The following ING5 variants were observed in gnomAD, a reference collection of about 807,000 sequenced individuals.
ING5 encodes the protein inhibitor of growth family member 5.
ING5 carries 17 observed loss-of-function variants against 37.4 expected under a neutral mutation model. The observed-to-expected ratio is 0.45, with a 90% CI of 0.31 to 0.68. The LOEUF (loss-of-function observed/expected upper bound fraction) is 0.68, where lower values mean the gene tolerates loss of function less well. ING5 is among the 30% of genes least tolerant of loss of function. The pLI is 0.05. For synonymous variants in ING5, 123 were observed against 116.6 expected (o/e 1.06, Z -0.36); for missense variants, 233 against 311.9 (o/e 0.75, Z 1.91).
At chr2:241,724,902 C>T in intron 7 of ING5, 87 bp from the exon 8 acceptor site, 1 of 1,438,272 alleles carries the variant, frequency 7.0e-7, no homozygotes, top group Non-Finnish European at 9.7e-7. Flanking sequence ...TCCAGCAGCC[C>T]TGGGAGACAT....
At chr2:241,712,558 T>G (rs2070143269) in intron 5 of ING5, among the ~76,000 whole-genome samples, 1 of 152,204 alleles carries the variant, frequency 6.6e-6, no homozygotes, top group Non-Finnish European at 1.5e-5. Flanking sequence ...TAACTTGAAG[T>G]TTTTTGAGAT....
chr2:241,710,928 T>G (rs887063084), intron 3 of ING5, among the ~76,000 whole-genome samples: 1 of 152,114 alleles, frequency 6.6e-6, no homozygotes, highest in Non-Finnish European at 1.5e-5. Flanking sequence ...TTTGTATTTA[T>G]TTTAGAGATG....
intron 5 of ING5, chr2:241,719,354 G>A (rs1455950580): frequency 1.1e-5 from 7 of 646,868 alleles, no homozygotes; most frequent in Admixed American, 6.8e-5. Context: ...GCAGGCGGAC[G>A]CCGCCCCCAA....
At chr2:241,698,074 C>A (rs563694144), upstream of ING5, among the ~76,000 whole-genome samples, 1 of 138,042 alleles carries the variant, frequency 7.2e-6, no homozygotes, top group South Asian at 2.4e-4. Flanking sequence ...AGAAGCCAGG[C>A]TCCATCTCAA....
In ING5 at chr2:241,723,416, CAAG is replaced by C. The variant is rs1166022280; in HGVS notation, c.680+146_680+148del. The C allele has an allele frequency of 7.7e-6, 7 of 904,784 alleles. No individual in the cohort carries two copies. In the East Asian group the frequency reaches 1.2e-4, roughly 16 times the overall value. 56.0% of individuals were successfully genotyped at this position (904,784 alleles called of 1,614,324 possible). On this transcript the variant is annotated intron_variant, in intron 7 of 7. Transcript: ENST00000313552. ...ACGTAGGCATGCCCCACTGTGGCCT[CAAG>C]GAGTGTGGCTGGCTGGTGGCTGCTC...
At chr2:241,707,227 G>T (rs35366765) in intron 2 of ING5, among the ~76,000 whole-genome samples, 50,878 of 151,624 alleles carry the variant, frequency 0.34, 9,410 homozygotes, top group Middle Eastern at 0.42. Flanking sequence ...CCAAAGTGCT[G>T]GTATTACAGG....
At chr2:241,718,261 G>C (rs1319135961) in intron 5 of ING5, among the ~76,000 whole-genome samples, 1 of 151,756 alleles carries the variant, frequency 6.6e-6, no homozygotes, top group African/African-American at 2.4e-5. Flanking sequence ...GATCCGCCCA[G>C]CTCAGCCTCT....
chr2:241,721,177 G>T, intron 5 of ING5: 1 of 985,598 alleles, frequency 1.0e-6, no homozygotes, highest in Non-Finnish European at 1.2e-6. Flanking sequence ...CGAGGAGACC[G>T]CAGGAGCCCC....
At chr2:241,705,294 G>T (rs1003971549) in intron 2 of ING5, among the ~76,000 whole-genome samples, 1 of 151,744 alleles carries the variant, frequency 6.6e-6, no homozygotes, top group African/African-American at 2.4e-5. Flanking sequence ...TAGCCAGGAT[G>T]GTCTTGATCT....
chr2:241,694,214 C>A (rs773761673), intron 2 of ING5: 1 of 151,470 alleles, frequency 6.6e-6, no homozygotes, highest in African/African-American at 2.4e-5. Flanking sequence ...GAGACCGAGG[C>A]GGGCGGATCA....
rs956909073 is a variant in ING5, at chr2:241,725,327, G to A, written c.*296G>A. ...GCGCGTGAGCTCGGGCTGCCCGGCC[G>A]GGCGTGCGGGCGGGGACATGGTAAC... On this transcript the variant is annotated 3_prime_UTR_variant, in exon 8 of 8. Coordinates refer to ENST00000313552, the MANE Select transcript of ING5 (RefSeq NM_032329.6). 7.1e-6 allele frequency: 3 copies of A among 419,734 alleles called. No homozygotes were observed. Among genetic ancestry groups the A allele is most frequent in the African/African-American group, 4.1e-5 (2 of 48,420 alleles). The allele number at this position is 419,734 out of a possible 1,614,324, so 26.0% of individuals were successfully genotyped here. A position where few individuals can be genotyped will look rare whatever the true frequency, so the allele number is the denominator to read the frequency against.
intron 5 of ING5, among the ~76,000 whole-genome samples, chr2:241,717,031 C>T (rs2070292532): frequency 6.6e-6 from 1 of 150,960 alleles, no homozygotes; most frequent in South Asian, 2.1e-4. Context: ...ACAAAAGTCA[C>T]CCCATATATA....
At chr2:241,724,793 C>T (rs1325534213) in intron 7 of ING5, 196 bp from the exon 8 acceptor site, 5 of 593,322 alleles carry the variant, frequency 8.4e-6, no homozygotes, top group Non-Finnish European at 1.5e-5. Flanking sequence ...GCTTCAGAAC[C>T]GGCGTCCTGC....
chr2:241,702,409 C>T (rs1220644820), intron 1 of ING5, among the ~76,000 whole-genome samples: 1 of 151,604 alleles, frequency 6.6e-6, no homozygotes, highest in Non-Finnish European at 1.5e-5. Flanking sequence ...AGGTCCCGCC[C>T]CTACCCAGGC....
intron 2 of ING5, among the ~76,000 whole-genome samples, chr2:241,692,841 C>T (rs2069574730): frequency 6.6e-6 from 1 of 152,152 alleles, no homozygotes; most frequent in Non-Finnish European, 1.5e-5. Flanking sequence ...TTCACCTCCT[C>T]ACCTGGGCCT....
intron 5 of ING5, chr2:241,721,494 GTA>G: frequency 1.0e-6 from 1 of 985,478 alleles, no homozygotes; most frequent in African/African-American, 1.7e-5. Flanking sequence ...GAGTGTGTGT[GTA>G]TGTGTACAGG....
At chr2:241,710,788 T>C (rs1424594597) in intron 3 of ING5, among the ~76,000 whole-genome samples, 1 of 150,916 alleles carries the variant, frequency 6.6e-6, no homozygotes, top group Non-Finnish European at 1.5e-5. Flanking sequence ...CTGGCCTGTA[T>C]TTTTAATAGA....
upstream of ING5, among the ~76,000 whole-genome samples, chr2:241,700,628 G>GTAT (rs200280672): frequency 6.3e-3 from 959 of 151,828 alleles, 9 homozygotes; most frequent in African/African-American, 0.022. Context: ...GCTAGTTTTT[G>GTAT]TATTATTATT....
At chr2:241,716,281 C>CTTTT (rs11332132) in intron 5 of ING5, among the ~76,000 whole-genome samples, 62 of 73,654 alleles carry the variant, frequency 8.4e-4, no homozygotes, top group Non-Finnish European at 1.2e-3. Context: ...ATTAGCCATG[C>CTTTT]TTTTTTTTTT....
Sources: allele counts gnomAD v4.1 joint callset (sites outside exome capture counted in the v4.1 genomes callset), GRCh38; gene constraint gnomAD v4.1.1; transcripts MANE v1.5; gene names NCBI Gene and HGNC (gene_info 2026-07-23, HGNC 2026-07-21).